The following MAPK8IP3 variants were observed in gnomAD, a reference collection of about 807,000 sequenced individuals.
MAPK8IP3 encodes the protein mitogen-activated protein kinase 8 interacting protein 3.
In MAPK8IP3, 49 loss-of-function variants were observed where a neutral mutation model predicts 157.8. That is an observed-to-expected ratio of 0.31 (90% CI 0.25 to 0.39). The LOEUF (loss-of-function observed/expected upper bound fraction) is 0.39. Ranked by LOEUF, MAPK8IP3 falls within the 10% of genes least tolerant of loss-of-function variation. The pLI, the probability that MAPK8IP3 is intolerant of heterozygous loss-of-function variation, is 1.00. For missense variants in MAPK8IP3, 1,478 were observed against 1,889.4 expected (o/e 0.78, Z 4.04); for synonymous variants, 897 against 777.7 (o/e 1.15, Z -2.55).
chr16:1,762,815 A>C (rs1359022747), intron 15 of MAPK8IP3, 21 bp from the exon 16 acceptor site: 1 of 1,607,982 alleles, frequency 6.2e-7, no homozygotes, highest in South Asian at 1.1e-5. Flanking sequence ...CCCACCCCTC[A>C]CCTCCCTGTG....
Position 1,748,582 on chromosome 16 carries a change from C to G in MAPK8IP3, c.1098-20C>G, listed in dbSNP as rs376826067. The G allele has an allele frequency of 1.3e-6, 2 of 1,594,834 alleles. No homozygotes were observed. The highest frequency in any genetic ancestry group is 1.7e-6 in the Non-Finnish European group (2 of 1,162,946). On this transcript the variant is annotated intron_variant, in intron 7 of 31. Transcript: ENST00000610761. The stretch of plus-strand genomic sequence containing the variant: ...TGCCCACTGACTCTGCTCTCTCTCC[C>G]GACCTGTGGATCCCAACAGCCCAAC...
Position 1,766,272 on chromosome 16 carries a change from GGAGGCCACA to G in MAPK8IP3, c.2691_2699del (p.Ala899_Glu901del). 4 of 1,612,622 alleles carry G rather than the reference GGAGGCCACA, an allele frequency of 2.5e-6. No homozygotes were observed. The highest frequency in any genetic ancestry group is 3.4e-6 in the Non-Finnish European group (4 of 1,179,954). On this transcript the variant is annotated inframe_deletion, in exon 22 of 32. Transcript: ENST00000610761. ...AGGTCAACCCGTCCCAGTCCACAGA[GGAGGCCACA>G]GAGGCCACGGAGGTGCCAGACCCTG...
intron 8 of MAPK8IP3, among the ~76,000 whole-genome samples, chr16:1,749,873 C>T (rs975658105): frequency 2.6e-5 from 4 of 152,196 alleles, no homozygotes; most frequent in Admixed American, 1.3e-4. Context: ...GACAGGGAGG[C>T]CTGTCTCATC....
intron 5 of MAPK8IP3, chr16:1,744,888 T>C: frequency 1.0e-6 from 1 of 960,636 alleles, no homozygotes; most frequent in Non-Finnish European, 1.2e-6. Flanking sequence ...TTTTATTTTA[T>C]GCTCTAGGTT....
rs117647958 is a variant in MAPK8IP3, at chr16:1,729,088, G to T, written c.440-50G>T. 2,825 of 1,555,358 alleles carry T rather than the reference G, an allele frequency of 1.8e-3. 61 individuals are homozygous for T. The East Asian group carries it at 0.048, about 27-fold the overall frequency. On this transcript the variant is annotated intron_variant, in intron 2 of 31. Transcript: ENST00000610761. ...CTGTGGTTACAACCCAAGAGTTCAG[G>T]GCCATGGAGAAGCGTCTTGTGCGGC...
At position 1,767,178 on chromosome 16, in the gene MAPK8IP3, C is replaced by T. The variant is rs762893896; in HGVS notation, c.3118C>T (p.Leu1040=). ...DGQWDLSNYH[L]MDLGHPHHSI... ...CCAGTGGGATCTGAGCAACTATCACCTAATGGACCTGGGCCACCCGCACCA... is the reference window on the plus strand; with the variant it reads ...CCAGTGGGATCTGAGCAACTATCACTTAATGGACCTGGGCCACCCGCACCA... Residue 1040 remains leucine, a synonymous_variant, in exon 26 of 32, where the codon CTA becomes TTA. Coordinates refer to ENST00000610761, the MANE Select transcript of MAPK8IP3 (RefSeq NM_001318852.2). 1 of 1,613,280 alleles carries T rather than the reference C, an allele frequency of 6.2e-7. No homozygotes were observed. Among genetic ancestry groups the T allele is most frequent in the Non-Finnish European group, 8.5e-7 (1 of 1,180,012 alleles).
chr16:1,746,708 CTG>C, intron 5 of MAPK8IP3: 2 of 364,092 alleles, frequency 5.5e-6, no homozygotes, highest in Non-Finnish European at 5.1e-6. Context: ...GGGGCTGCCG[CTG>C]TGTCCCTGGC....
chr16:1,762,659 G>C lies in MAPK8IP3; in HGVS notation c.1671-16G>C. ...TGAGGGCACTAGCAGGTTGCTCCCTGTGCCCTCCCCTGCAGAGCGTCCCGA... is the reference window on the plus strand; with the variant it reads ...TGAGGGCACTAGCAGGTTGCTCCCTCTGCCCTCCCCTGCAGAGCGTCCCGA... On this transcript the variant is annotated splice_polypyrimidine_tract_variant and intron_variant, in intron 14 of 31. Transcript: ENST00000610761. 6.5e-7 allele frequency: 1 copy of C among 1,543,174 alleles called. No individual in the cohort carries two copies. Among genetic ancestry groups the C allele is most frequent in the Non-Finnish European group, 8.7e-7 (1 of 1,143,062 alleles).
chr16:1,768,984 G>C lies in MAPK8IP3; in HGVS notation c.*160G>C. 1.3e-6 allele frequency: 1 copy of C among 794,328 alleles called. No homozygotes were observed. Among genetic ancestry groups the C allele is most frequent in the Non-Finnish European group, 2.0e-6 (1 of 506,144 alleles). 49.2% of individuals were successfully genotyped at this position (794,328 alleles called of 1,614,324 possible). ...GCCCCTCCAGCGGGCAGGGAGTGCG[G>C]GGATGCGGATCAGCTGGGAGGAGGA... is the stretch of plus-strand genomic sequence containing the variant. On this transcript the variant is annotated 3_prime_UTR_variant, in exon 32 of 32. Transcript: ENST00000610761.
In MAPK8IP3 at chr16:1,759,823, C is replaced by G; in HGVS notation, c.1247-135C>G. The stretch of plus-strand genomic sequence containing the variant: ...GCATGAGCCCCGCCCTTCACGGCCC[C>G]CGCTCCCTGTAGATCGGGCGTCATC... On this transcript the variant is annotated intron_variant, in intron 10 of 31. Transcript: ENST00000610761. 6.6e-6 allele frequency: 5 copies of G among 756,246 alleles called. No individual in the cohort carries two copies. In the South Asian group the frequency reaches 8.1e-5, roughly 12 times the overall value. The allele number at this position is 756,246 out of a possible 1,614,324, so 46.8% of individuals were successfully genotyped here.
In MAPK8IP3 at chr16:1,741,358, G is replaced by A. The variant is rs775278243; in HGVS notation, c.603-1974G>A. ...AGGAGCAAAGGAAAGAGTGAAGGCA[G>A]CTCCTGATCCTGGGTGATTTCTGTC... On this transcript the variant is annotated intron_variant, in intron 4 of 31. Transcript: ENST00000610761. This position sits in a 1 kb window ranked among gnomAD's most constrained non-coding sequence, Gnocchi z 6.9. Among the ~76,000 whole-genome samples the A allele has an allele frequency of 1.3e-5, 2 of 152,176 alleles. No individual in the cohort carries two copies. The highest frequency in any genetic ancestry group is 2.4e-5 in the African/African-American group (1 of 41,446).
chr16:1,738,300 C>A (rs1159623775), intron 4 of MAPK8IP3, among the ~76,000 whole-genome samples: 1 of 58,264 alleles, frequency 1.7e-5, no homozygotes, highest in Non-Finnish European at 3.2e-5. Context: ...ATGTGAGCAT[C>A]TGTGTGACCG....
At chr16:1,764,246 C>A in intron 18 of MAPK8IP3, 36 bp downstream of exon 18, 2 of 1,600,482 alleles carry the variant, frequency 1.2e-6, no homozygotes, top group Non-Finnish European at 1.7e-6. Context: ...GCTGGCTGGG[C>A]GAGCGGGAGG....
chr16:1,738,129 T>C (rs575507510), intron 4 of MAPK8IP3, among the ~76,000 whole-genome samples: 15 of 80,832 alleles, frequency 1.9e-4, no homozygotes, highest in South Asian at 7.6e-4. Flanking sequence ...TGAGCGTGAC[T>C]GTCCGTGTGT....
intron 4 of MAPK8IP3, chr16:1,735,080 C>T (rs1340446454): frequency 6.5e-6 from 1 of 152,694 alleles, no homozygotes; most frequent in Non-Finnish European, 1.5e-5. Flanking sequence ...AACTGCCACA[C>T]AGCCCCGTTC....
At chr16:1,755,624 G>A (rs535852415) in intron 8 of MAPK8IP3, among the ~76,000 whole-genome samples, 18 of 152,000 alleles carry the variant, frequency 1.2e-4, no homozygotes, top group South Asian at 6.2e-4. Context: ...CAAGGTGGGC[G>A]GATCACGAGG....
Position 1,741,984 on chromosome 16 carries a change from C to T in MAPK8IP3, c.603-1348C>T, listed in dbSNP as rs550901006. Among the ~76,000 whole-genome samples, 1 of 152,146 alleles carries T rather than the reference C, an allele frequency of 6.6e-6. No homozygotes were observed. The highest frequency in any genetic ancestry group is 1.5e-5 in the Non-Finnish European group (1 of 68,002). Reference sequence around the variant, plus strand: ...GGCGGCTGCTGCGTTCCCCTGTCGCCGTCTGCATCCTCCAGGCATGGCCAG... The same window carrying T: ...GGCGGCTGCTGCGTTCCCCTGTCGCTGTCTGCATCCTCCAGGCATGGCCAG... On this transcript the variant is annotated intron_variant, in intron 4 of 31. Transcript: ENST00000610761. This position sits in a 1 kb window ranked among gnomAD's most constrained non-coding sequence, Gnocchi z 6.9.
chr16:1,732,983 C>T (rs2039416098), intron 4 of MAPK8IP3, among the ~76,000 whole-genome samples: 1 of 152,260 alleles, frequency 6.6e-6, no homozygotes, highest in African/African-American at 2.4e-5. Context: ...TTCTCATTCG[C>T]AGCTCCCGTC....
Position 1,739,731 on chromosome 16 carries a change from CGTGT to C in MAPK8IP3, c.603-3593_603-3590del, listed in dbSNP as rs529526645. Among the ~76,000 whole-genome samples the C allele has an allele frequency of 1.4e-4, 15 of 108,894 alleles. No homozygotes were observed. In the South Asian group the frequency reaches 4.3e-3, roughly 32 times the overall value. 71.4% of individuals were successfully genotyped at this position (108,894 alleles called of 152,430 possible). On this transcript the variant is annotated intron_variant, in intron 4 of 31. Transcript: ENST00000610761. Reference sequence around the variant, plus strand: ...CCGTCCGTGTGAGCATCTGTGTGACCGTGTGTGTGTGACCGTCCGTGTGTGACCG... The same window carrying C: ...CCGTCCGTGTGAGCATCTGTGTGACCGTGTGTGACCGTCCGTGTGTGACCG...
Sources: gnomAD v4.1 joint callset for allele counts (sites outside exome capture counted in the v4.1 genomes callset) on GRCh38, gnomAD v4.1.1 for gene constraint, Gnocchi (gnomAD v3.1) non-coding constraint, MANE v1.5 for transcripts, NCBI Gene and HGNC (gene_info 2026-07-23, HGNC 2026-07-21) for gene names.